ABCB4: variants seen among roughly 807,000 people sequenced by gnomAD.
The protein encoded by ABCB4 is phosphatidylcholine translocator ABCB4.
In ABCB4, 76 loss-of-function variants were observed where a neutral mutation model predicts 145.7. The ratio of observed to expected loss-of-function variants is 0.52; its 90% CI spans 0.43 to 0.63. ABCB4 has a LOEUF of 0.63. ABCB4 is among the 30% of genes least tolerant of loss of function. ABCB4 has a pLI of 0.00. For missense variants in ABCB4, 1,234 were observed against 1,553.1 expected (o/e 0.79, Z 3.45); for synonymous variants, 517 against 566.8 (o/e 0.91, Z 1.25).
At chr7:87,431,312 C>CT (rs1810204397) in intron 15 of ABCB4, 92 bp downstream of exon 15, 2 of 1,518,472 alleles carry the variant, frequency 1.3e-6, no homozygotes, top group Non-Finnish European at 9.1e-7. Context: ...TTTCTTCTTG[C>CT]TCAGTATAGC....
intron 20 of ABCB4, among the ~76,000 whole-genome samples, chr7:87,418,119 A>C (rs1171320851): frequency 1.3e-5 from 2 of 152,200 alleles, no homozygotes; most frequent in Non-Finnish European, 2.9e-5. Flanking sequence ...TCAGAACACC[A>C]CCATCCCCTG....
In ABCB4 at chr7:87,402,231, G is replaced by A. The variant is rs772206941; in HGVS notation, c.3705C>T (p.Thr1235=). The A allele has an allele frequency of 2.0e-5, 33 of 1,614,084 alleles. No individual in the cohort carries two copies. In the East Asian group the frequency reaches 7.1e-4, roughly 35 times the overall value. ...CCACTATTAAGTCTGCATTCTGGAT[G>A]GTGGACAGGCGGTGAGCAATCACAA... The part of the protein sequence containing the change: ...TCIVIAHRLS[T]IQNADLIVVF... Residue 1235 remains threonine, a synonymous_variant, in exon 28 of 28, where the codon ACC becomes ACT. Transcript: ENST00000649586.
At chr7:87,401,428 T>C (rs1163781210), downstream of ABCB4, among the ~76,000 whole-genome samples, 1 of 152,230 alleles carries the variant, frequency 6.6e-6, no homozygotes, top group Non-Finnish European at 1.5e-5. Context: ...GAGAACGCAG[T>C]TGCTATAGAA....
At chr7:87,396,508 A>C in the ABCB4 span, among the ~76,000 whole-genome samples, 1 of 152,176 alleles carries the variant, frequency 6.6e-6, no homozygotes, top group African/African-American at 2.4e-5. Flanking sequence ...AAACTAAAGC[A>C]AGTGGGGCAA....
chr7:87,373,868 AG>A, the ABCB4 span, among the ~76,000 whole-genome samples: 2 of 152,106 alleles, frequency 1.3e-5, no homozygotes, highest in South Asian at 4.1e-4. Context: ...TGACGTATGG[AG>A]ACGACAATGG....
chr7:87,394,979 C>A, the ABCB4 span, among the ~76,000 whole-genome samples: 3 of 149,950 alleles, frequency 2.0e-5, no homozygotes, highest in Middle Eastern at 3.2e-3. Flanking sequence ...ACAAATGTGC[C>A]CTATTCTGAA....
intron 3 of ABCB4, among the ~76,000 whole-genome samples, chr7:87,464,351 C>G (rs1812704754): frequency 6.6e-6 from 1 of 152,138 alleles, no homozygotes; most frequent in Non-Finnish European, 1.5e-5. Flanking sequence ...CCAGGCAGAG[C>G]TTGGATAAAA....
chr7:87,462,161 C>T (rs1446225630), intron 4 of ABCB4, among the ~76,000 whole-genome samples: 1 of 152,172 alleles, frequency 6.6e-6, no homozygotes, highest in Admixed American at 6.5e-5. Flanking sequence ...GTATTGATAA[C>T]ATTAACTTAT....
At chr7:87,449,937 C>G in intron 8 of ABCB4, 31 bp downstream of exon 8, 1 of 1,614,020 alleles carries the variant, frequency 6.2e-7, no homozygotes, top group South Asian at 1.1e-5. Flanking sequence ...AAACACATTC[C>G]TTAAACCAGT....
intron 4 of ABCB4, among the ~76,000 whole-genome samples, chr7:87,456,755 C>T (rs1338149956): frequency 6.6e-6 from 1 of 152,104 alleles, no homozygotes; most frequent in Non-Finnish European, 1.5e-5. Context: ...CAGATTGGAC[C>T]CGCTCCTTTC....
At chr7:87,380,416 TA>T in the ABCB4 span, among the ~76,000 whole-genome samples, 1 of 152,298 alleles carries the variant, frequency 6.6e-6, no homozygotes, top group Non-Finnish European at 1.5e-5. Flanking sequence ...GTAAGTGGTA[TA>T]AAAATCATTT....
At chr7:87,446,960 T>C (rs1186475447) in intron 9 of ABCB4, 74 bp downstream of exon 9, 5 of 1,362,516 alleles carry the variant, frequency 3.7e-6, no homozygotes, top group Non-Finnish European at 5.2e-6. Flanking sequence ...AAAGGAGCGA[T>C]ATCAAAGAAA....
chr7:87,389,746 A>G, the ABCB4 span, among the ~76,000 whole-genome samples: 2 of 152,210 alleles, frequency 1.3e-5, no homozygotes, highest in African/African-American at 4.8e-5. Context: ...CATTCTGCAC[A>G]TGTATCCCAG....
At chr7:87,453,562 T>C (rs1811904438) in intron 5 of ABCB4, among the ~76,000 whole-genome samples, 1 of 151,118 alleles carries the variant, frequency 6.6e-6, no homozygotes, top group East Asian at 1.9e-4. Flanking sequence ...AAACAAAAAC[T>C]GTATAGGACA....
the ABCB4 span, among the ~76,000 whole-genome samples, chr7:87,384,907 G>A: frequency 6.6e-6 from 1 of 152,136 alleles, no homozygotes; most frequent in Non-Finnish European, 1.5e-5. Context: ...AGAGATAGTG[G>A]TCCAGTTTCA....
rs1810832638 is a variant in ABCB4 at position 87,439,569 on chromosome 7, CTA to C, written c.1731+96_1731+97del. The C allele has an allele frequency of 6.7e-5, 93 of 1,378,548 alleles. No homozygotes were observed. The South Asian group carries it at 1.0e-3, about 15-fold the overall frequency. 85.4% of individuals were successfully genotyped at this position (1,378,548 alleles called of 1,614,324 possible). A position where few individuals can be genotyped will look rare whatever the true frequency, so the allele number is the denominator to read the frequency against. Reference sequence around the variant, plus strand: ...CAGCTCCATGAGGTAGCTCCATTTGCTATGTTTCTGTTTCTCAGCCCAGACTC... The same window carrying C: ...CAGCTCCATGAGGTAGCTCCATTTGCTGTTTCTGTTTCTCAGCCCAGACTC... On this transcript the variant is annotated intron_variant, in intron 14 of 27. Coordinates refer to ENST00000649586, the MANE Select transcript of ABCB4 (RefSeq NM_000443.4).
downstream of ABCB4, chr7:87,399,915 A>G (rs1380776025): frequency 6.6e-6 from 1 of 150,918 alleles, no homozygotes; most frequent in African/African-American, 2.5e-5. Flanking sequence ...TAACAGCTAG[A>G]CAGTTCTTCT....
intron 3 of ABCB4, among the ~76,000 whole-genome samples, chr7:87,469,219 T>C (rs956319184): frequency 6.6e-6 from 1 of 152,026 alleles, no homozygotes; most frequent in Non-Finnish European, 1.5e-5. Flanking sequence ...TGATGGGAGG[T>C]ATCTAAACAT....
chr7:87,369,561 C>A, the ABCB4 span: 1 of 814,708 alleles, frequency 1.2e-6, no homozygotes. Context: ...TTAGAATTGC[C>A]TTTCAAGGTG....
Sources: allele counts gnomAD v4.1 joint callset (sites outside exome capture counted in the v4.1 genomes callset), GRCh38; gene constraint gnomAD v4.1.1; transcripts MANE v1.5; gene names NCBI Gene and HGNC (gene_info 2026-07-23, HGNC 2026-07-21).